Variants in CD36 observed in about 807,000 individuals in gnomAD.
The protein encoded by CD36 is CD36 molecule (CD36 blood group), also known as platelet glycoprotein 4.
A neutral mutation model predicts 55.2 loss-of-function variants in CD36; 119 were observed. The ratio of observed to expected loss-of-function variants is 2.15; its 90% CI spans 1.86 to 2.51. The LOEUF (loss-of-function observed/expected upper bound fraction) is 2.51. Ranked by LOEUF, CD36 falls within the 30% of genes most tolerant of loss-of-function variation. The pLI is 0.00. For missense variants in CD36, 819 were observed against 555.5 expected, an observed-to-expected ratio of 1.47 and a Z score of -4.77; for synonymous variants, 186 against 193.6, an observed-to-expected ratio of 0.96 and a Z score of 0.33.
chr7:80,635,241 C>T (rs76134910), upstream of CD36, among the ~76,000 whole-genome samples: 10,431 of 150,054 alleles, frequency 0.07, 487 homozygotes, highest in Non-Finnish European at 0.1. Flanking sequence ...TAAAATTGTG[C>T]GTGATAGCCA....
At chr7:80,667,672 G>A (rs889259109) in intron 8 of CD36, among the ~76,000 whole-genome samples, 3 of 145,552 alleles carry the variant, frequency 2.1e-5, no homozygotes, top group Non-Finnish European at 3.0e-5. Flanking sequence ...TCATTGCCTT[G>A]TAGGAAATGA....
At chr7:80,613,182 C>A (rs1249850437) in intron 1 of CD36, among the ~76,000 whole-genome samples, 1 of 151,938 alleles carries the variant, frequency 6.6e-6, no homozygotes, top group Admixed American at 6.6e-5. Flanking sequence ...TTGTAATATT[C>A]ATAATTGTAT....
chr7:80,623,656 C>G (rs1198428536), intron 1 of CD36, among the ~76,000 whole-genome samples: 2 of 152,186 alleles, frequency 1.3e-5, no homozygotes, highest in Admixed American at 1.3e-4. Flanking sequence ...GGGCCCTGCC[C>G]AAGGTTGCCC....
intron 1 of CD36, among the ~76,000 whole-genome samples, chr7:80,612,278 G>A (rs1330120499): frequency 1.3e-5 from 2 of 152,120 alleles, no homozygotes; most frequent in African/African-American, 2.4e-5. Context: ...TGTTATGCTA[G>A]CAACCTGAAA....
intron 1 of CD36, among the ~76,000 whole-genome samples, chr7:80,610,708 G>A (rs2115764991): frequency 6.6e-6 from 1 of 152,114 alleles, no homozygotes; most frequent in African/African-American, 2.4e-5. Flanking sequence ...CCCAGTAGCT[G>A]GGACTACAGG....
chr7:80,660,976 A>C, intron 4 of CD36, 87 bp from the exon 5 acceptor site: 1 of 1,038,846 alleles, frequency 9.6e-7, no homozygotes, highest in South Asian at 1.3e-5. Context: ...TGTGTGTTCA[A>C]AAATCATTTG....
Position 80,661,109 on chromosome 7 carries a change from AAC to A in CD36, c.332_333del (p.Thr111SerfsTer22), listed in dbSNP as rs572295823. On this transcript the variant is annotated frameshift_variant, in exon 5 of 15. Coordinates refer to ENST00000447544, the MANE Select transcript of CD36 (RefSeq NM_001001548.3). LOFTEE classifies it high-confidence loss of function. ...AAATGTAACCCAGGACGCTGAGGACAACACAGTCTCTTTCCTGCAGCCCAATG... is the reference window on the plus strand; with the variant it reads ...AAATGTAACCCAGGACGCTGAGGACAACAGTCTCTTTCCTGCAGCCCAATG... ...KENVTQDAED[N>X]TVSFLQPNGA... 2.5e-4 allele frequency: 409 copies of A among 1,614,030 alleles called. 3 individuals carry two copies. The East Asian group carries it at 8.6e-3, about 34-fold the overall frequency.
chr7:80,661,283 A>G, intron 5 of CD36, 73 bp downstream of exon 5: 1 of 1,393,072 alleles, frequency 7.2e-7, no homozygotes, highest in Non-Finnish European at 1.0e-6. Context: ...TATCATTAGA[A>G]TTATTAGGTT....
Position 80,673,353 on chromosome 7 carries a change from A to C in CD36, c.1200-2A>C. ...CATAATTATTTTCAACGTATATTAC[A>C]GAGTATTAAAGAATCTGAAGAGGAA... On this transcript the variant is annotated splice_acceptor_variant, in intron 12 of 14. Transcript: ENST00000447544. LOFTEE classifies it high-confidence loss of function. The C allele has an allele frequency of 7.3e-7, 1 of 1,362,910 alleles. No individual in the cohort carries two copies. The highest frequency in any genetic ancestry group is 1.0e-6 in the Non-Finnish European group (1 of 954,804). 84.4% of individuals were successfully genotyped at this position (1,362,910 alleles called of 1,614,324 possible). A position where few individuals can be genotyped will look rare whatever the true frequency, so the allele number is the denominator to read the frequency against.
chr7:80,641,988 C>T (rs980547540), intron 1 of CD36, among the ~76,000 whole-genome samples: 2 of 151,584 alleles, frequency 1.3e-5, no homozygotes, highest in African/African-American at 4.8e-5. Flanking sequence ...TCAAAGATGA[C>T]CCAACGGAAT....
At chr7:80,658,368 G>C (rs1351004646) in intron 4 of CD36, among the ~76,000 whole-genome samples, 1 of 152,064 alleles carries the variant, frequency 6.6e-6, no homozygotes, top group Non-Finnish European at 1.5e-5. Flanking sequence ...CAGCATAATT[G>C]TTTAAGAAAT....
At chr7:80,612,980 A>C (rs1203593349) in intron 1 of CD36, among the ~76,000 whole-genome samples, 1 of 152,162 alleles carries the variant, frequency 6.6e-6, no homozygotes, top group Non-Finnish European at 1.5e-5. Context: ...TTTAGGTAGT[A>C]TATGGATTCA....
chr7:80,610,724 G>A (rs1233504677), intron 1 of CD36, among the ~76,000 whole-genome samples: 2 of 151,792 alleles, frequency 1.3e-5, no homozygotes, highest in Admixed American at 6.6e-5. Context: ...ACAGGCGCCC[G>A]CCACCACGCC....
At chr7:80,669,891 T>G in intron 8 of CD36, 62 bp from the exon 9 acceptor site, 2 of 1,124,344 alleles carry the variant, frequency 1.8e-6, no homozygotes, top group Non-Finnish European at 2.7e-6. Flanking sequence ...GAGGAGAGAT[T>G]TCTAGGTTTT....
At chr7:80,639,210 G>A (rs1794647829) in intron 1 of CD36, among the ~76,000 whole-genome samples, 1 of 151,838 alleles carries the variant, frequency 6.6e-6, no homozygotes, top group Non-Finnish European at 1.5e-5. Flanking sequence ...TCATTAGCTT[G>A]TTTAATTTTC....
chr7:80,643,330 A>G (rs1179654470), intron 1 of CD36, among the ~76,000 whole-genome samples: 1 of 152,194 alleles, frequency 6.6e-6, no homozygotes, highest in Non-Finnish European at 1.5e-5. Flanking sequence ...ATCATTTTGT[A>G]TCACATTTGT....
chr7:80,654,167 A>G (rs1795836439), intron 3 of CD36, among the ~76,000 whole-genome samples: 1 of 152,154 alleles, frequency 6.6e-6, no homozygotes, highest in Non-Finnish European at 1.5e-5. Context: ...TACACGTACA[A>G]TGTCTTTTGG....
chr7:80,617,569 ATAAAT>A (rs999767927), intron 1 of CD36, among the ~76,000 whole-genome samples: 1 of 152,026 alleles, frequency 6.6e-6, no homozygotes, highest in African/African-American at 2.4e-5. Context: ...ACTAATAAAA[ATAAAT>A]AAATTAGCCG....
chr7:80,616,752 C>T (rs182150559), intron 1 of CD36, among the ~76,000 whole-genome samples: 1 of 152,080 alleles, frequency 6.6e-6, no homozygotes, highest in South Asian at 2.1e-4. Context: ...ACTGATATTA[C>T]TTAATTCATA....
Sources: allele counts gnomAD v4.1 joint callset (sites outside exome capture counted in the v4.1 genomes callset), GRCh38; gene constraint gnomAD v4.1.1; transcripts MANE v1.5; gene names NCBI Gene and HGNC (gene_info 2026-07-23, HGNC 2026-07-21).